GLI3: variants seen among roughly 807,000 people sequenced by gnomAD.
GLI3 encodes GLI family zinc finger 3.
Under a neutral mutation model 100.8 loss-of-function variants are expected in GLI3, and 20 were observed. The observed-to-expected ratio is 0.20, with a 90% CI of 0.14 to 0.29. The LOEUF is 0.29. Among genes scored for constraint, GLI3 ranks in the 10% least tolerant of loss-of-function variants. GLI3 has a pLI of 1.00. For missense variants in GLI3, 2,040 were observed against 2,128.5 expected, an observed-to-expected ratio of 0.96 and a Z score of 0.82; for synonymous variants, 938 against 860.5, an observed-to-expected ratio of 1.09 and a Z score of -1.58.
intron 10 of GLI3, among the ~76,000 whole-genome samples, chr7:41,986,789 T>C (rs962605149): frequency 6.6e-6 from 1 of 151,662 alleles, no homozygotes; most frequent in Non-Finnish European, 1.5e-5. Context: ...CGAATTGCTG[T>C]ATACTTTAAA....
At chr7:42,025,196 G>A (rs368956256) in intron 9 of GLI3, 68 bp downstream of exon 9, 24 of 1,002,426 alleles carry the variant, frequency 2.4e-5, no homozygotes, top group Middle Eastern at 2.6e-4. Context: ...GGGAGGAAGC[G>A]GGAGCTGACC....
intron 2 of GLI3, among the ~76,000 whole-genome samples, chr7:42,180,688 G>A (rs1419485201): frequency 6.6e-6 from 1 of 152,152 alleles, no homozygotes; most frequent in Non-Finnish European, 1.5e-5. Flanking sequence ...ATGAGAAGTC[G>A]GTGAAAATTA....
At chr7:42,122,137 C>T (rs1230967851) in intron 3 of GLI3, among the ~76,000 whole-genome samples, 2 of 150,010 alleles carry the variant, frequency 1.3e-5, no homozygotes, top group Non-Finnish European at 3.0e-5. Flanking sequence ...ATGAAAAATG[C>T]TATTTGATAA....
Position 42,026,324 on chromosome 7 carries a change from C to A in GLI3, c.1117G>T (p.Ala373Ser). The A allele has an allele frequency of 6.2e-7, 1 of 1,614,150 alleles. No homozygotes were observed. ...ATGAGTGGAGGGCTGTGTCCAAAGGCTGAACCTAAGCTCTGTTGTCGGCTT... is the reference window on the plus strand; with the variant it reads ...ATGAGTGGAGGGCTGTGTCCAAAGGATGAACCTAAGCTCTGTTGTCGGCTT... ...ILSRQQSLGS[A>S]FGHSPPLIHP... Residue 373 changes from alanine (A) to serine (S), a missense_variant, in exon 8 of 15, where the codon GCC becomes TCC. By Grantham distance (99) the Ala-to-Ser change is moderately conservative. Transcript: ENST00000395925.
chr7:42,180,906 A>C (rs1787577931), intron 2 of GLI3, among the ~76,000 whole-genome samples: 1 of 152,218 alleles, frequency 6.6e-6, no homozygotes, highest in African/African-American at 2.4e-5. Flanking sequence ...ACCTGCACAG[A>C]TGTTTCCTTA....
chr7:41,966,786 C>G lies in GLI3; in HGVS notation c.2432-145G>C. ...GGCCACATTGCCTGCCTCACAACTA[C>G]TCAGCTCTGCAGTGTAGCCCCAACA... On this transcript the variant is annotated intron_variant, in intron 14 of 14. Coordinates refer to ENST00000395925, the MANE Select transcript of GLI3 (RefSeq NM_000168.6). This position sits in a 1 kb window ranked among gnomAD's most constrained non-coding sequence, Gnocchi z 5.8. 1.2e-6 allele frequency: 1 copy of G among 800,336 alleles called. No individual in the cohort carries two copies. Among genetic ancestry groups the G allele is most frequent in the Non-Finnish European group, 2.1e-6 (1 of 476,408 alleles). 49.6% of individuals were successfully genotyped at this position (800,336 alleles called of 1,614,324 possible). A position where few individuals can be genotyped will look rare whatever the true frequency, so the allele number is the denominator to read the frequency against.
intron 7 of GLI3, among the ~76,000 whole-genome samples, chr7:42,034,905 G>A (rs529268956): frequency 5.1e-4 from 78 of 152,150 alleles, no homozygotes; most frequent in African/African-American, 9.6e-4. Flanking sequence ...GGTGGGGGTC[G>A]TGTCTCTCTC....
intron 1 of GLI3, among the ~76,000 whole-genome samples, chr7:42,235,246 C>T (rs192462281): frequency 1.4e-3 from 209 of 152,198 alleles, no homozygotes; most frequent in African/African-American, 4.5e-3. Flanking sequence ...CAATAAGGCA[C>T]CTATTCAAAA....
intron 4 of GLI3, among the ~76,000 whole-genome samples, chr7:42,065,476 G>GAAT (rs1784655950): frequency 6.6e-6 from 1 of 151,910 alleles, no homozygotes; most frequent in South Asian, 2.1e-4. Context: ...ATGCATTAAA[G>GAAT]AATAAAATAT....
chr7:42,216,650 G>A (rs1293525010), intron 2 of GLI3, among the ~76,000 whole-genome samples: 1 of 152,034 alleles, frequency 6.6e-6, no homozygotes, highest in Non-Finnish European at 1.5e-5. Context: ...TCTAAAACAT[G>A]AAGTCTATTA....
intron 2 of GLI3, among the ~76,000 whole-genome samples, chr7:42,176,627 C>G (rs1787485928): frequency 6.6e-6 from 1 of 152,256 alleles, no homozygotes; most frequent in South Asian, 2.1e-4. Flanking sequence ...CAATCTGCTT[C>G]TTTAGCCCTA....
At position 42,148,400 on chromosome 7, in the gene GLI3, C is replaced by A. The variant is rs768159398; in HGVS notation, c.193G>T (p.Val65Phe). The change falls in exon 3 of 15, where the codon GTC becomes TTC. Residue 65 changes from valine to phenylalanine, a missense_variant. Val to Phe is a conservative substitution (Grantham distance 50, BLOSUM62 -1). This residue lies in a region of GLI3 where 603 missense variants were observed against 690.9 expected (regional missense o/e 0.87). Coordinates refer to ENST00000395925, the MANE Select transcript of GLI3 (RefSeq NM_000168.6). ...RNAITMQPQN[V>F]QGLSKVSEEP... is the part of the protein sequence containing the mutation. ...TCACTGACTTTGCTGAGCCCCTGGA[C>A]ATTCTGTGGCTGCATAGTGATTGCG... 19 of 1,613,892 alleles carry A rather than the reference C, an allele frequency of 1.2e-5. No individual in the cohort carries two copies. In the South Asian group the frequency reaches 2.1e-4, roughly 18 times the overall value.
At chr7:42,127,134 TTC>T (rs1343030751) in intron 3 of GLI3, among the ~76,000 whole-genome samples, 1 of 152,198 alleles carries the variant, frequency 6.6e-6, no homozygotes, top group Non-Finnish European at 1.5e-5. Flanking sequence ...ATCTTCCCAC[TTC>T]TGACATGGCT....
intron 1 of GLI3, among the ~76,000 whole-genome samples, chr7:42,233,019 A>G (rs983955580): frequency 6.6e-6 from 1 of 152,242 alleles, no homozygotes; most frequent in Non-Finnish European, 1.5e-5. Context: ...GGGGCCAGGC[A>G]AAAGAAAAGT....
chr7:42,254,077 G>T (rs1789060746), intron 1 of GLI3, among the ~76,000 whole-genome samples: 1 of 151,976 alleles, frequency 6.6e-6, no homozygotes. Flanking sequence ...AAATTAGCTG[G>T]GCATGGTGGT....
At chr7:41,968,181 A>G (rs545838841) in intron 13 of GLI3, among the ~76,000 whole-genome samples, 2 of 152,166 alleles carry the variant, frequency 1.3e-5, no homozygotes, top group African/African-American at 4.8e-5. Context: ...CAGCCATGGA[A>G]TCCTGCCCCA....
chr7:42,163,875 A>G (rs1787184709), intron 2 of GLI3, among the ~76,000 whole-genome samples: 1 of 152,166 alleles, frequency 6.6e-6, no homozygotes, highest in East Asian at 1.9e-4. Context: ...TCTTTGGCCA[A>G]TTTAATGGCT....
At chr7:42,123,584 A>G (rs949427165) in intron 3 of GLI3, among the ~76,000 whole-genome samples, 5 of 152,254 alleles carry the variant, frequency 3.3e-5, no homozygotes, top group African/African-American at 1.2e-4. Flanking sequence ...AAAATTCTCC[A>G]TAGCATAAAA....
At chr7:42,055,088 C>CATAT (rs202155638) in intron 4 of GLI3, among the ~76,000 whole-genome samples, 2 of 134,338 alleles carry the variant, frequency 1.5e-5, no homozygotes, top group African/African-American at 6.9e-5. Flanking sequence ...TGTATATATA[C>CATAT]ATATATACAC....
Sources: allele counts gnomAD v4.1 joint callset (sites outside exome capture counted in the v4.1 genomes callset), GRCh38; gene constraint gnomAD v4.1.1; regional missense constraint gnomAD v4.1.1; non-coding constraint Gnocchi (gnomAD v3.1); transcripts MANE v1.5; gene names NCBI Gene and HGNC (gene_info 2026-07-23, HGNC 2026-07-21).